ASZ1: variants seen among roughly 807,000 people sequenced by gnomAD.
ASZ1 encodes ankyrin repeat, SAM and basic leucine zipper domain-containing protein 1.
ASZ1 carries 67 observed loss-of-function variants against 61.8 expected under a neutral mutation model. The observed-to-expected ratio is 1.08, with a 90% CI of 0.89 to 1.33. The LOEUF (loss-of-function observed/expected upper bound fraction) is 1.33. Among genes scored for constraint, ASZ1 ranks in the 40% most tolerant of loss-of-function variants. The probability of loss-of-function intolerance (pLI) is 0.00; values close to 1 mark genes in which losing one functional copy is unlikely to be tolerated. For missense variants in ASZ1, 577 were observed against 554.5 expected (o/e 1.04, Z -0.41); for synonymous variants, 193 against 192.7 (o/e 1.00, Z -0.01).
chr7:117,382,208 C>CA (rs1338753941), intron 7 of ASZ1, 64 bp from the exon 8 acceptor site: 2 of 958,360 alleles, frequency 2.1e-6, no homozygotes, highest in Non-Finnish European at 3.3e-6. Flanking sequence ...GATAAATATA[C>CA]ATTTATATTG....
Position 117,363,837 on chromosome 7 carries a change from T to C in ASZ1, c.1276-89A>G, listed in dbSNP as rs971452209. The stretch of plus-strand genomic sequence containing the variant: ...ATTTTAAAAAATATCATAATATCCA[T>C]GTTAATTCATTTCACTTGATTTAGA... On this transcript the variant is annotated intron_variant, in intron 12 of 12. Coordinates refer to ENST00000284629, the MANE Select transcript of ASZ1 (RefSeq NM_130768.3). 33 of 1,080,962 alleles carry C rather than the reference T, an allele frequency of 3.1e-5. No homozygotes were observed. The African/African-American group carries it at 5.4e-4, about 18-fold the overall frequency. The allele number at this position is 1,080,962 out of a possible 1,614,324, so 67.0% of individuals were successfully genotyped here.
At chr7:117,419,047 G>A in intron 4 of ASZ1, among the ~76,000 whole-genome samples, 1 of 151,866 alleles carries the variant, frequency 6.6e-6, no homozygotes, top group East Asian at 1.9e-4. Context: ...AATACATCTT[G>A]GCCCTTCTCA....
At chr7:117,371,145 C>T (rs1796043871) in intron 10 of ASZ1, among the ~76,000 whole-genome samples, 2 of 152,042 alleles carry the variant, frequency 1.3e-5, no homozygotes. Flanking sequence ...CTTCTAAGCC[C>T]ATACAGAAAT....
At chr7:117,408,884 T>C (rs557326299) in intron 4 of ASZ1, among the ~76,000 whole-genome samples, 8 of 152,206 alleles carry the variant, frequency 5.3e-5, no homozygotes, top group Admixed American at 5.2e-4. Context: ...TGAGGAAGAA[T>C]GTTCTATATT....
intron 4 of ASZ1, among the ~76,000 whole-genome samples, chr7:117,403,810 C>A (rs1179088919): frequency 6.6e-6 from 1 of 152,136 alleles, no homozygotes; most frequent in Non-Finnish European, 1.5e-5. Flanking sequence ...AGGAACTGAG[C>A]CGCAGAGCAG....
intron 4 of ASZ1, among the ~76,000 whole-genome samples, chr7:117,392,238 G>A (rs1015459695): frequency 6.6e-6 from 1 of 152,104 alleles, no homozygotes; most frequent in Non-Finnish European, 1.5e-5. Flanking sequence ...TGTGATCACG[G>A]AATTCTTTTT....
At chr7:117,368,548 G>T in intron 11 of ASZ1, 64 bp downstream of exon 11, 1 of 1,567,878 alleles carries the variant, frequency 6.4e-7, no homozygotes, top group South Asian at 1.2e-5. Context: ...GAATTATCAT[G>T]AACTTATCTG....
intron 4 of ASZ1, among the ~76,000 whole-genome samples, chr7:117,418,652 C>CA (rs5886857): frequency 7.8e-4 from 109 of 139,720 alleles, no homozygotes; most frequent in Admixed American, 1.8e-3. Context: ...GACTCCATCT[C>CA]AAAAAAAAAA....
At chr7:117,374,924 A>C (rs914248324) in intron 10 of ASZ1, among the ~76,000 whole-genome samples, 2 of 152,068 alleles carry the variant, frequency 1.3e-5, no homozygotes, top group Admixed American at 1.3e-4. Flanking sequence ...TAAGCAATAA[A>C]AGAACAGCTT....
At chr7:117,377,635 T>C (rs575169995) in intron 10 of ASZ1, among the ~76,000 whole-genome samples, 1 of 152,314 alleles carries the variant, frequency 6.6e-6, no homozygotes, top group East Asian at 1.9e-4. Flanking sequence ...AATTAATCAA[T>C]AGGATTCATG....
At chr7:117,386,471 A>G (rs1170710573) in intron 4 of ASZ1, among the ~76,000 whole-genome samples, 1 of 152,004 alleles carries the variant, frequency 6.6e-6, no homozygotes, top group Non-Finnish European at 1.5e-5. Context: ...CAATCCTTCT[A>G]CTCCTGGAAG....
chr7:117,405,574 C>T (rs1431015351), intron 4 of ASZ1, among the ~76,000 whole-genome samples: 1 of 152,220 alleles, frequency 6.6e-6, no homozygotes, highest in Non-Finnish European at 1.5e-5. Context: ...TCAAGGATAG[C>T]AGTCATTGGG....
chr7:117,421,425 G>A (rs906030820), intron 3 of ASZ1, among the ~76,000 whole-genome samples: 9 of 152,080 alleles, frequency 5.9e-5, no homozygotes, highest in African/African-American at 2.2e-4. Flanking sequence ...ATGTTGTCCA[G>A]GCTGATCTTG....
intron 2 of ASZ1, among the ~76,000 whole-genome samples, chr7:117,424,109 A>G (rs1797152758): frequency 6.6e-6 from 1 of 152,226 alleles, no homozygotes; most frequent in Admixed American, 6.5e-5. Flanking sequence ...AATGATAAAC[A>G]TCAACTATAG....
At chr7:117,368,773 C>A in intron 10 of ASZ1, 56 bp from the exon 11 acceptor site, 7 of 1,597,636 alleles carry the variant, frequency 4.4e-6, no homozygotes, top group South Asian at 3.4e-5. Context: ...CAATTTATTT[C>A]ATTCTACTAG....
intron 10 of ASZ1, among the ~76,000 whole-genome samples, chr7:117,379,005 AT>A (rs1225086853): frequency 2.6e-5 from 4 of 151,312 alleles, no homozygotes; most frequent in Admixed American, 1.3e-4. Flanking sequence ...TGGAGAACAA[AT>A]TATTGGTTGC....
chr7:117,367,985 G>C, intron 11 of ASZ1: 1 of 609,816 alleles, frequency 1.6e-6, no homozygotes, highest in Non-Finnish European at 2.1e-6. Context: ...GGGCTCAAGT[G>C]ATCCTCCTGC....
chr7:117,418,760 A>G (rs1232631741), intron 4 of ASZ1, among the ~76,000 whole-genome samples: 1 of 152,050 alleles, frequency 6.6e-6, no homozygotes, highest in Non-Finnish European at 1.5e-5. Flanking sequence ...CCTGGAGTTC[A>G]AGACCAGCCT....
intron 4 of ASZ1, among the ~76,000 whole-genome samples, chr7:117,418,914 T>C (rs1797049170): frequency 6.6e-6 from 1 of 152,152 alleles, no homozygotes; most frequent in Admixed American, 6.5e-5. Context: ...CGAGCCACGA[T>C]GGTGCCACTG....
Sources: allele counts gnomAD v4.1 joint callset (sites outside exome capture counted in the v4.1 genomes callset), GRCh38; gene constraint gnomAD v4.1.1; transcripts MANE v1.5; gene names NCBI Gene and HGNC (gene_info 2026-07-23, HGNC 2026-07-21).